The following ABHD6 variants were observed in gnomAD, a reference collection of about 807,000 sequenced individuals.
ABHD6 encodes the protein abhydrolase domain containing 6, acylglycerol lipase, also known as monoacylglycerol lipase ABHD6.
In ABHD6, 33 loss-of-function variants were observed where a neutral mutation model predicts 38.8. The ratio of observed to expected loss-of-function variants is 0.85; its 90% CI spans 0.64 to 1.14. The LOEUF (loss-of-function observed/expected upper bound fraction) is 1.14, where lower values mean the gene tolerates loss of function less well. Among genes scored for constraint, ABHD6 ranks in the 50% most tolerant of loss-of-function variants. ABHD6 has a pLI of 0.00. For synonymous variants in ABHD6, 147 were observed against 161.6 expected (o/e 0.91, Z 0.69); for missense variants, 380 against 422.6 (o/e 0.90, Z 0.88).
intron 1 of ABHD6, among the ~76,000 whole-genome samples, chr3:58,240,271 C>T (rs1160599584): frequency 1.3e-5 from 2 of 151,910 alleles, no homozygotes; most frequent in Admixed American, 1.3e-4. Context: ...GATGAAGTCT[C>T]ACTGTGTTTC....
chr3:58,246,745 T>A (rs2097426676), intron 1 of ABHD6, among the ~76,000 whole-genome samples: 1 of 151,898 alleles, frequency 6.6e-6, no homozygotes, highest in African/African-American at 2.4e-5. Flanking sequence ...GTCATGTGTT[T>A]CCAGGATAGA....
rs1250563517 is a variant in ABHD6, at chr3:58,256,220, T to C, written c.-25-342T>C. On this transcript the variant is annotated intron_variant, in intron 2 of 9. Coordinates refer to ENST00000478253, the MANE Select transcript of ABHD6 (RefSeq NM_001320126.2). This position sits in a 1 kb window ranked among gnomAD's most constrained non-coding sequence, Gnocchi z 4.3. The stretch of plus-strand genomic sequence containing the variant: ...TCTCCTAAAAGGGAAGATATTCTCC[T>C]ACATACATACATAATCACAATTTCA... Among the ~76,000 whole-genome samples, 5 of 152,300 alleles carry C rather than the reference T, an allele frequency of 3.3e-5. No individual in the cohort carries two copies. In the East Asian group the frequency reaches 9.6e-4, roughly 29 times the overall value.
chr3:58,269,345 G>T lies in ABHD6; in HGVS notation c.301G>T (p.Val101Phe). ...VKFLPKNLHL[V>F]CVDMPGHEGT... ...GTTCCTTCCAAAGAACCTGCACTTG[G>T]TCTGCGTGGACATGCCAGGACATGA... is the stretch of plus-strand genomic sequence containing the variant. Residue 101 changes from valine to phenylalanine, a missense_variant, in exon 5 of 10, where the codon GTC becomes TTC. Coordinates refer to ENST00000478253, the MANE Select transcript of ABHD6 (RefSeq NM_001320126.2). The surrounding 1 kb of genome is among the most constrained non-coding windows in gnomAD (Gnocchi z 4.4). 1.9e-6 allele frequency: 3 copies of T among 1,613,898 alleles called. No homozygotes were observed. Among genetic ancestry groups the T allele is most frequent in the Non-Finnish European group, 2.5e-6 (3 of 1,179,864 alleles).
At chr3:58,276,694 C>G (rs1249859935) in intron 7 of ABHD6, among the ~76,000 whole-genome samples, 1 of 152,180 alleles carries the variant, frequency 6.6e-6, no homozygotes, top group East Asian at 1.9e-4. Flanking sequence ...TTGCCCATGC[C>G]TGTTTCCTGT....
rs1002216242 is a variant in ABHD6, at chr3:58,269,390, C to T, written c.346C>T (p.Leu116=). The change falls in exon 5 of 10, where the codon CTG becomes TTG. Residue 116 remains leucine, a synonymous_variant. Transcript: ENST00000478253. The surrounding 1 kb of genome is among the most constrained non-coding windows in gnomAD (Gnocchi z 4.4). ...PGHEGTTRSS[L]DDLSIDGQVK... ...ACATGAGGGCACCACCCGCTCCTCC[C>T]TGGATGACCTGTCCATAGATGGGCA... 6.2e-7 allele frequency: 1 copy of T among 1,613,958 alleles called. No individual in the cohort carries two copies. The highest frequency in any genetic ancestry group is 1.7e-5 in the Admixed American group (1 of 60,002).
rs80249581 is a variant in ABHD6, at chr3:58,239,827, T to G, written c.-91+1911T>G. On this transcript the variant is annotated intron_variant, in intron 1 of 9. Coordinates refer to ENST00000478253, the MANE Select transcript of ABHD6 (RefSeq NM_001320126.2). ...GAGAAGTTAGACTCAAAGATTATCT[T>G]TGGGTTTGGAGGGAAGAAAGGCAAG... Among the ~76,000 whole-genome samples the G allele has an allele frequency of 7.2e-4, 109 of 151,604 alleles. 3 individuals carry two copies. In the East Asian group the frequency reaches 0.019, roughly 26 times the overall value.
intron 3 of ABHD6, among the ~76,000 whole-genome samples, chr3:58,261,625 G>A (rs1187184277): frequency 6.6e-6 from 1 of 152,194 alleles, no homozygotes; most frequent in Non-Finnish European, 1.5e-5. Flanking sequence ...TGGGATTACA[G>A]TTGTGAGCCA....
intron 2 of ABHD6, among the ~76,000 whole-genome samples, chr3:58,255,412 G>T (rs1429246358): frequency 1.3e-5 from 2 of 149,628 alleles, no homozygotes; most frequent in South Asian, 2.1e-4. Flanking sequence ...CTGGTTTCTT[G>T]TATCCATGTG....
chr3:58,280,087 T>C (rs922566133), intron 7 of ABHD6, among the ~76,000 whole-genome samples: 1 of 152,042 alleles, frequency 6.6e-6, no homozygotes, highest in Non-Finnish European at 1.5e-5. Flanking sequence ...TATTCTCGAG[T>C]AGTATCTTTA....
At position 58,285,095 on chromosome 3, in the gene ABHD6, G is replaced by T. The variant is rs745824058; in HGVS notation, c.692G>T (p.Gly231Val). The change falls in exon 8 of 10, where the codon GGC becomes GTC. Residue 231 changes from glycine (G) to valine (V), a missense_variant. By Grantham distance (109) the Gly-to-Val change is moderately radical. Coordinates refer to ENST00000478253, the MANE Select transcript of ABHD6 (RefSeq NM_001320126.2). The surrounding 1 kb of genome is among the most constrained non-coding windows in gnomAD (Gnocchi z 4.9). ...RFKVPQQILQGLVDVRIPHNN... is the reference protein window; with the variant it reads ...RFKVPQQILQVLVDVRIPHNN... ...GTTATTTATCCTTAGATCCTGCAAG[G>T]CCTTGTCGATGTCCGCATCCCTCAT... 2 of 1,614,020 alleles carry T rather than the reference G, an allele frequency of 1.2e-6. No homozygotes were observed. Among genetic ancestry groups the T allele is most frequent in the African/African-American group, 2.7e-5 (2 of 74,918 alleles).
In ABHD6 at chr3:58,293,869, G is replaced by A. The variant is rs1039751774; in HGVS notation, c.*104G>A. ...ATCCTGCCCCAAATGCGGTCGGAGCGCCAGTGACCCTGAGGAAGCCCGTCC... is the reference window on the plus strand; with the variant it reads ...ATCCTGCCCCAAATGCGGTCGGAGCACCAGTGACCCTGAGGAAGCCCGTCC... On this transcript the variant is annotated 3_prime_UTR_variant, in exon 10 of 10. Transcript: ENST00000478253. This position sits in a 1 kb window ranked among gnomAD's most constrained non-coding sequence, Gnocchi z 4.4. The A allele has an allele frequency of 8.4e-5, 113 of 1,351,744 alleles. No individual in the cohort carries two copies. In the African/African-American group the frequency reaches 1.5e-3, roughly 18 times the overall value. The allele number at this position is 1,351,744 out of a possible 1,614,324, so 83.7% of individuals were successfully genotyped here. A position where few individuals can be genotyped will look rare whatever the true frequency, so the allele number is the denominator to read the frequency against.
intron 6 of ABHD6, among the ~76,000 whole-genome samples, chr3:58,271,454 A>G (rs2097444806): frequency 6.6e-6 from 1 of 152,132 alleles, no homozygotes; most frequent in Admixed American, 6.5e-5. Flanking sequence ...CTTACGAGCT[A>G]AGCTCTTTAT....
At chr3:58,279,360 C>T (rs1287417397) in intron 7 of ABHD6, among the ~76,000 whole-genome samples, 1 of 152,166 alleles carries the variant, frequency 6.6e-6, no homozygotes, top group African/African-American at 2.4e-5. Context: ...TAATGGCCTT[C>T]TTTGTCTCTT....
At chr3:58,288,348 G>T (rs1159802353) in intron 9 of ABHD6, among the ~76,000 whole-genome samples, 1 of 152,160 alleles carries the variant, frequency 6.6e-6, no homozygotes, top group Non-Finnish European at 1.5e-5. Context: ...TTTTGTGAAT[G>T]ATGGATTTGG....
chr3:58,264,387 GCACACACACACACACACACACACA>G (rs61099164), intron 3 of ABHD6, among the ~76,000 whole-genome samples: 259 of 132,322 alleles, frequency 2.0e-3, no homozygotes, highest in African/African-American at 6.1e-3. Context: ...TTATATAAAC[GCACACACACACACACACACACACA>G]CACACACACA....
chr3:58,275,778 T>A (rs1225442017), intron 7 of ABHD6, among the ~76,000 whole-genome samples: 1 of 152,180 alleles, frequency 6.6e-6, no homozygotes, highest in Non-Finnish European at 1.5e-5. Flanking sequence ...TTTCTCCTAA[T>A]GCTATCCTTC....
At chr3:58,276,973 A>G (rs1028592022) in intron 7 of ABHD6, among the ~76,000 whole-genome samples, 1 of 152,130 alleles carries the variant, frequency 6.6e-6, no homozygotes, top group Non-Finnish European at 1.5e-5. Flanking sequence ...ATTTGTCTAT[A>G]TATCTGTTTT....
At chr3:58,282,212 A>AGGGAGCC (rs1418891972) in intron 7 of ABHD6, among the ~76,000 whole-genome samples, 18 of 151,504 alleles carry the variant, frequency 1.2e-4, no homozygotes, top group African/African-American at 3.7e-4. Context: ...TAGGTACGGA[A>AGGGAGCC]AGGAGCCAGG....
chr3:58,286,874 A>ATATATATATATG (rs1559784540), intron 9 of ABHD6, among the ~76,000 whole-genome samples: 1 of 134,782 alleles, frequency 7.4e-6, no homozygotes, highest in African/African-American at 2.7e-5. Flanking sequence ...ATATATGTAT[A>ATATATATATATG]TGTATATATA....
Sources: allele counts gnomAD v4.1 joint callset (sites outside exome capture counted in the v4.1 genomes callset), GRCh38; gene constraint gnomAD v4.1.1; non-coding constraint Gnocchi (gnomAD v3.1); transcripts MANE v1.5; gene names NCBI Gene and HGNC (gene_info 2026-07-23, HGNC 2026-07-21).